Variants in CRACD observed in about 807,000 individuals in gnomAD.
CRACD encodes the protein capping protein inhibiting regulator of actin dynamics.
In CRACD, 56 loss-of-function variants were observed where a neutral mutation model predicts 106.8. The observed-to-expected ratio is 0.52, with a 90% CI of 0.42 to 0.66. The LOEUF (loss-of-function observed/expected upper bound fraction) is 0.66. Among genes scored for constraint, CRACD ranks in the 30% least tolerant of loss-of-function variants. The pLI is 0.00. For synonymous variants in CRACD, 754 were observed against 670.8 expected (o/e 1.12, Z -1.92); for missense variants, 1,730 against 1,623.2 (o/e 1.07, Z -1.13).
intron 3 of CRACD, 138 bp from the exon 4 acceptor site, chr4:56,298,076 C>A: frequency 2.2e-6 from 2 of 917,166 alleles, no homozygotes; most frequent in Non-Finnish European, 3.3e-6. Flanking sequence ...CCCCAGCAGA[C>A]AGGGACACAA....
chr4:56,311,795 G>A (rs188142291), intron 6 of CRACD, among the ~76,000 whole-genome samples: 84 of 152,212 alleles, frequency 5.5e-4, no homozygotes, highest in African/African-American at 2.0e-3. Context: ...TGGCCACATC[G>A]GAGCTGCTGG....
intron 2 of CRACD, among the ~76,000 whole-genome samples, chr4:56,193,882 A>T (rs1461258170): frequency 6.6e-6 from 1 of 152,128 alleles, no homozygotes; most frequent in African/African-American, 2.4e-5. Context: ...ATCACTGAGG[A>T]CAGCCTATGA....
Position 56,208,615 on chromosome 4 carries a change from GA to G in CRACD, c.-189+29187del, listed in dbSNP as rs1244652002. On this transcript the variant is annotated intron_variant, in intron 2 of 10. Coordinates refer to ENST00000682029, the MANE Select transcript of CRACD (RefSeq NM_001393381.1). ...CGTATTCACTAAAATACACCTTAAAGAAGGTTAAACATCATTTATTATTTGG... is the reference window on the plus strand; with the variant it reads ...CGTATTCACTAAAATACACCTTAAAGAGGTTAAACATCATTTATTATTTGG... 2.4e-4 allele frequency among the ~76,000 whole-genome samples: 37 copies of G among 152,122 alleles called. 1 individual carries two copies. Among genetic ancestry groups the G allele is most frequent in the Admixed American group, 2.4e-3 (37 of 15,274 alleles).
chr4:56,206,874 G>A (rs1028697762), intron 2 of CRACD, among the ~76,000 whole-genome samples: 3 of 152,090 alleles, frequency 2.0e-5, no homozygotes, highest in Non-Finnish European at 4.4e-5. Flanking sequence ...CCTCATGGTC[G>A]CACATTTCTT....
At chr4:56,090,724 G>A (rs1202708150) in intron 1 of CRACD, among the ~76,000 whole-genome samples, 1 of 152,136 alleles carries the variant, frequency 6.6e-6, no homozygotes, top group Non-Finnish European at 1.5e-5. Flanking sequence ...ATGGCTCAGA[G>A]GCTAGAAGAC....
At chr4:56,301,814 C>A (rs573853302) in intron 4 of CRACD, among the ~76,000 whole-genome samples, 5 of 152,034 alleles carry the variant, frequency 3.3e-5, no homozygotes, top group Admixed American at 6.6e-5. Flanking sequence ...GCCACAATTT[C>A]TGTGGCAGAT....
chr4:56,296,328 C>T (rs571691980), intron 3 of CRACD, among the ~76,000 whole-genome samples: 1 of 151,432 alleles, frequency 6.6e-6, no homozygotes, highest in East Asian at 1.9e-4. Context: ...AAACTCCACA[C>T]AGTTTTTTTT....
intron 5 of CRACD, among the ~76,000 whole-genome samples, chr4:56,309,872 T>C (rs982151013): frequency 3.3e-5 from 5 of 151,274 alleles, no homozygotes; most frequent in Non-Finnish European, 7.4e-5. Flanking sequence ...TATATATATA[T>C]AAAGTAAAAA....
At chr4:56,284,142 T>C (rs2109679695) in intron 3 of CRACD, among the ~76,000 whole-genome samples, 1 of 152,166 alleles carries the variant, frequency 6.6e-6, no homozygotes, top group South Asian at 2.1e-4. Context: ...CCTACAGTAG[T>C]AATCATTTTC....
chr4:56,183,174 G>A (rs1216842990), intron 2 of CRACD, among the ~76,000 whole-genome samples: 9 of 151,196 alleles, frequency 6.0e-5, no homozygotes, highest in African/African-American at 2.2e-4. Context: ...CGGAGGTTGC[G>A]GTGAGCCAAG....
At chr4:56,138,350 G>A (rs1735076561) in intron 1 of CRACD, among the ~76,000 whole-genome samples, 1 of 152,076 alleles carries the variant, frequency 6.6e-6, no homozygotes, top group Non-Finnish European at 1.5e-5. Flanking sequence ...TGCAATCTCA[G>A]CTTCTTGGGA....
intron 2 of CRACD, among the ~76,000 whole-genome samples, chr4:56,190,727 G>A (rs760266276): frequency 6.6e-6 from 1 of 152,096 alleles, no homozygotes; most frequent in Non-Finnish European, 1.5e-5. Context: ...CATGGTGCAA[G>A]CTGTCTGCGG....
chr4:56,316,264 C>T lies in CRACD; in HGVS notation c.2762C>T (p.Ala921Val), dbSNP rs578106686. The T allele has an allele frequency of 6.2e-7, 1 of 1,613,994 alleles. No individual in the cohort carries two copies. Among genetic ancestry groups the T allele is most frequent in the African/African-American group, 1.3e-5 (1 of 75,068 alleles). ...KQAPSTRRDS[A>V]EPSSSRSVPV... is the part of the protein sequence containing the mutation. The stretch of plus-strand genomic sequence containing the variant: ...GCCCCTTCCACCCGGAGGGACTCCG[C>T]TGAACCTTCCAGCAGCCGCTCTGTT... Residue 921 changes from alanine to valine, a missense_variant, in exon 8 of 11, where the codon GCT becomes GTT. Physicochemically the swap from Ala to Val is moderately conservative, Grantham distance 64. Coordinates refer to ENST00000682029, the MANE Select transcript of CRACD (RefSeq NM_001393381.1).
chr4:56,226,439 C>T (rs1174762993), intron 2 of CRACD, among the ~76,000 whole-genome samples: 1 of 152,070 alleles, frequency 6.6e-6, no homozygotes, highest in African/African-American at 2.4e-5. Flanking sequence ...GGCCCTTTTG[C>T]GTTGGCTCAA....
At chr4:56,206,158 T>C (rs1738114318) in intron 2 of CRACD, among the ~76,000 whole-genome samples, 2 of 152,268 alleles carry the variant, frequency 1.3e-5, no homozygotes, top group Admixed American at 1.3e-4. Context: ...TGTGCCCGTT[T>C]TCCCTGTTAG....
At chr4:56,109,992 G>A (rs151008969) in intron 1 of CRACD, among the ~76,000 whole-genome samples, 266 of 152,106 alleles carry the variant, frequency 1.7e-3, no homozygotes, top group Non-Finnish European at 3.1e-3. Context: ...TCCATTGAAC[G>A]CTCAGCATAA....
At chr4:56,180,413 C>T (rs1245464853) in intron 2 of CRACD, among the ~76,000 whole-genome samples, 1 of 149,714 alleles carries the variant, frequency 6.7e-6, no homozygotes, top group Non-Finnish European at 1.5e-5. Context: ...CGCCTGAACC[C>T]GGGAGGGAGA....
intron 1 of CRACD, among the ~76,000 whole-genome samples, chr4:56,162,513 G>A (rs1037874189): frequency 4.6e-5 from 7 of 151,280 alleles, no homozygotes; most frequent in African/African-American, 1.7e-4. Context: ...AGCTGGGCTT[G>A]AATTTTTAAA....
chr4:56,119,756 G>C (rs1734421455), intron 1 of CRACD, among the ~76,000 whole-genome samples: 1 of 152,098 alleles, frequency 6.6e-6, no homozygotes, highest in Non-Finnish European at 1.5e-5. Context: ...CTCCACACCT[G>C]CTTTTCTAGC....
Sources: allele counts gnomAD v4.1 joint callset (sites outside exome capture counted in the v4.1 genomes callset), GRCh38; gene constraint gnomAD v4.1.1; transcripts MANE v1.5; gene names NCBI Gene and HGNC (gene_info 2026-07-23, HGNC 2026-07-21).